Variants in TIAM2 observed in about 807,000 individuals in gnomAD.
TIAM2 encodes the protein TIAM Rac1 associated GEF 2, also known as rho guanine nucleotide exchange factor TIAM2.
In TIAM2, 80 loss-of-function variants were observed where a neutral mutation model predicts 152.9. The observed-to-expected ratio is 0.52, with a 90% CI of 0.44 to 0.63. The LOEUF (loss-of-function observed/expected upper bound fraction) is 0.63. Among genes scored for constraint, TIAM2 ranks in the 30% least tolerant of loss-of-function variants. TIAM2 has a pLI of 0.00. For missense variants in TIAM2, 1,965 were observed against 2,120.1 expected (o/e 0.93, Z 1.44); for synonymous variants, 804 against 838.0 (o/e 0.96, Z 0.70).
chr6:155,039,218 C>T (rs1259089588), intron 1 of TIAM2, among the ~76,000 whole-genome samples: 3 of 151,796 alleles, frequency 2.0e-5, no homozygotes, highest in Non-Finnish European at 4.4e-5. Flanking sequence ...ACCTTGGCCT[C>T]TCAAAATGCT....
At chr6:155,063,060 G>A (rs1326134809) in intron 1 of TIAM2, among the ~76,000 whole-genome samples, 2 of 151,964 alleles carry the variant, frequency 1.3e-5, no homozygotes, top group African/African-American at 4.8e-5. Flanking sequence ...CATATGTTTT[G>A]GGAATAAGTT....
chr6:155,256,995 C>CA lies in TIAM2; in HGVS notation c.4981dup (p.Ser1661LysfsTer4). On this transcript the variant is annotated frameshift_variant, in exon 27 of 27. Coordinates refer to ENST00000682666, the MANE Select transcript of TIAM2 (RefSeq NM_012454.4). LOFTEE classifies it high-confidence loss of function. ...CGCAGATCCGTCACCAGTCCCTTGA[C>CA]AGTCAGTCTGAAAATGCCACCATCG... 6.2e-7 allele frequency: 1 copy of CA among 1,614,208 alleles called. No homozygotes were observed. Among genetic ancestry groups the CA allele is most frequent in the Non-Finnish European group, 8.5e-7 (1 of 1,180,030 alleles).
intron 2 of TIAM2, among the ~76,000 whole-genome samples, chr6:155,114,036 A>ATATATATATATATATATATAT: frequency 1.1e-4 from 4 of 34,904 alleles, no homozygotes; most frequent in Admixed American, 6.5e-4. Flanking sequence ...ATATATATAT[A>ATATATATATATATATATATAT]TTTTTTTTTT....
intron 1 of TIAM2, among the ~76,000 whole-genome samples, chr6:155,058,713 A>G (rs1418254171): frequency 6.6e-6 from 1 of 152,210 alleles, no homozygotes; most frequent in Non-Finnish European, 1.5e-5. Flanking sequence ...TGGAGCTGGG[A>G]TTTGAACTCA....
At chr6:155,057,578 G>A (rs1026737580) in intron 1 of TIAM2, among the ~76,000 whole-genome samples, 12 of 118,552 alleles carry the variant, frequency 1.0e-4, no homozygotes, top group African/African-American at 1.6e-4. Flanking sequence ...ACAGAGGCTC[G>A]CGCTGTTGCC....
intron 9 of TIAM2, among the ~76,000 whole-genome samples, chr6:155,168,422 A>G (rs1026969953): frequency 6.6e-6 from 1 of 152,124 alleles, no homozygotes; most frequent in Non-Finnish European, 1.5e-5. Context: ...CAGTGGCATG[A>G]TCTCAGCTCA....
chr6:155,045,057 T>C (rs1423940715), intron 1 of TIAM2, among the ~76,000 whole-genome samples: 5 of 148,220 alleles, frequency 3.4e-5, no homozygotes, highest in African/African-American at 5.0e-5. Context: ...TTTCTTTTTT[T>C]TTTTTTTTTT....
chr6:155,081,328 A>G lies in TIAM2; in HGVS notation c.-208-8961A>G, dbSNP rs143576344. Reference sequence around the variant, plus strand: ...TCCCCCCGCCCATGTACTTACAGTCATTCAACAATTATCTACTTTCAAGGC... The same window carrying G: ...TCCCCCCGCCCATGTACTTACAGTCGTTCAACAATTATCTACTTTCAAGGC... On this transcript the variant is annotated intron_variant, in intron 1 of 26. Transcript: ENST00000682666. Among the ~76,000 whole-genome samples the G allele has an allele frequency of 4.1e-4, 62 of 151,956 alleles. No homozygotes were observed. In the East Asian group the frequency reaches 0.01, roughly 25 times the overall value.
rs546895007 is a variant in TIAM2, at chr6:155,104,574, A to G, written c.-118+14195A>G. On this transcript the variant is annotated intron_variant, in intron 2 of 26. Coordinates refer to ENST00000682666, the MANE Select transcript of TIAM2 (RefSeq NM_012454.4). ...AGATCGAGACCATCCTGGCTAACACAGTGAAACCCCGTCTCTACTAAAAAT... is the reference window on the plus strand; with the variant it reads ...AGATCGAGACCATCCTGGCTAACACGGTGAAACCCCGTCTCTACTAAAAAT... 7.6e-3 allele frequency among the ~76,000 whole-genome samples: 1,156 copies of G among 152,088 alleles called. 6 individuals carry two copies. The highest frequency in any genetic ancestry group is 0.012 in the Non-Finnish European group (811 of 67,958).
At chr6:155,164,330 C>G (rs1334962868) in intron 7 of TIAM2, 85 bp from the exon 8 acceptor site, 2 of 1,338,806 alleles carry the variant, frequency 1.5e-6, no homozygotes, top group African/African-American at 1.5e-5. Flanking sequence ...ATTTTTTCTT[C>G]AAGTTTGTGA....
At chr6:155,067,622 G>C (rs183099699) in intron 1 of TIAM2, among the ~76,000 whole-genome samples, 2 of 134,574 alleles carry the variant, frequency 1.5e-5, no homozygotes, top group African/African-American at 5.3e-5. Context: ...GTTAGATGAG[G>C]GTTAGGGATG....
intron 1 of TIAM2, among the ~76,000 whole-genome samples, chr6:155,061,530 A>G (rs1252159877): frequency 6.6e-6 from 1 of 152,220 alleles, no homozygotes; most frequent in African/African-American, 2.4e-5. Context: ...GATTTATTAT[A>G]AATGTGCTCA....
intron 1 of TIAM2, among the ~76,000 whole-genome samples, chr6:155,004,246 G>T: frequency 6.6e-6 from 1 of 152,250 alleles, no homozygotes; most frequent in Non-Finnish European, 1.5e-5. Context: ...TGGAAGGCTG[G>T]TCAGAGTCAC....
intron 3 of TIAM2, 49 bp downstream of exon 3, chr6:155,127,649 G>A (rs1779328241): frequency 2.2e-6 from 1 of 454,090 alleles, no homozygotes; most frequent in African/African-American, 2.0e-5. Flanking sequence ...GCATGACTGT[G>A]ATTAAGGTAA....
intron 21 of TIAM2, chr6:155,250,672 C>T (rs1783601374): frequency 1.3e-6 from 2 of 1,497,080 alleles, no homozygotes; most frequent in East Asian, 2.5e-5. Context: ...GCATGTCTCA[C>T]CTACATGTGC....
chr6:155,240,375 A>G (rs1782968954), intron 15 of TIAM2, among the ~76,000 whole-genome samples, 155 bp from the exon 16 acceptor site: 1 of 152,248 alleles, frequency 6.6e-6, no homozygotes, highest in East Asian at 1.9e-4. Flanking sequence ...AATGATAGCC[A>G]GAGGGGTTTG....
chr6:155,020,679 T>C (rs1776460893), intron 1 of TIAM2, among the ~76,000 whole-genome samples: 1 of 152,142 alleles, frequency 6.6e-6, no homozygotes, highest in Admixed American at 6.5e-5. Flanking sequence ...GCCAGGTTGG[T>C]CTCAAACTCC....
chr6:155,256,293 T>C (rs1332175227), intron 26 of TIAM2, 191 bp from the exon 27 acceptor site: 1 of 797,758 alleles, frequency 1.3e-6, no homozygotes, highest in Non-Finnish European at 1.9e-6. Flanking sequence ...AACTTACAAC[T>C]GTAAACCTAA....
chr6:155,024,127 A>G (rs1776553252), intron 1 of TIAM2, among the ~76,000 whole-genome samples: 1 of 152,204 alleles, frequency 6.6e-6, no homozygotes, highest in African/African-American at 2.4e-5. Context: ...CTGACTCCAA[A>G]GCACTTGTTC....
Sources: gnomAD v4.1 joint callset for allele counts (sites outside exome capture counted in the v4.1 genomes callset) on GRCh38, gnomAD v4.1.1 for gene constraint, MANE v1.5 for transcripts, NCBI Gene and HGNC (gene_info 2026-07-23, HGNC 2026-07-21) for gene names.